BTBD8: variants seen among roughly 807,000 people sequenced by gnomAD.
The protein encoded by BTBD8 is BTB/POZ domain-containing protein 8.
In BTBD8, 110 loss-of-function variants were observed where a neutral mutation model predicts 162.9. That is an observed-to-expected ratio of 0.68 (90% confidence interval 0.58 to 0.79). BTBD8 has a LOEUF of 0.79. BTBD8 is among the 30% of genes least tolerant of loss of function. BTBD8 has a pLI of 0.00. For synonymous variants in BTBD8, 667 were observed against 716.1 expected, an observed-to-expected ratio of 0.93 and a Z score of 1.10; for missense variants, 1,905 against 2,085.4, an observed-to-expected ratio of 0.91 and a Z score of 1.68.
At position 92,139,445 on chromosome 1, in the gene BTBD8, T is replaced by A; in HGVS notation, c.833+15T>A. The A allele has an allele frequency of 6.3e-7, 1 of 1,595,130 alleles. No individual in the cohort carries two copies. Among genetic ancestry groups the A allele is most frequent in the Non-Finnish European group, 8.5e-7 (1 of 1,175,016 alleles). ...ACTAATGTTGGGTATGTATTCCTTT[T>A]TAATAATTTAAAATATAAAAGAGTT... On this transcript the variant is annotated intron_variant, in intron 6 of 17. Coordinates refer to ENST00000636805, the MANE Select transcript of BTBD8 (RefSeq NM_001376131.1).
intron 4 of BTBD8, chr1:92,126,448 T>G: frequency 1.1e-6 from 1 of 913,882 alleles, no homozygotes; most frequent in Middle Eastern, 2.5e-4. Flanking sequence ...AGTACAACAG[T>G]TTTGTGTCAC....
At chr1:92,162,359 C>G (rs181077115) in intron 9 of BTBD8, among the ~76,000 whole-genome samples, 1 of 152,194 alleles carries the variant, frequency 6.6e-6, no homozygotes, top group East Asian at 1.9e-4. Flanking sequence ...TGAGGGCAAG[C>G]CTTGACCAAT....
chr1:92,156,947 T>C (rs1650171779), intron 9 of BTBD8, among the ~76,000 whole-genome samples: 1 of 150,568 alleles, frequency 6.6e-6, no homozygotes, highest in South Asian at 2.1e-4. Flanking sequence ...TAATATTTAT[T>C]TTTTTTTTTC....
intron 4 of BTBD8, 101 bp downstream of exon 4, chr1:92,108,102 C>A: frequency 1.8e-6 from 2 of 1,087,194 alleles, no homozygotes; most frequent in Non-Finnish European, 2.8e-6. Flanking sequence ...CTGGTTTTCA[C>A]ACAGGCCACA....
chr1:92,129,763 G>C lies in BTBD8; in HGVS notation c.739G>C (p.Val247Leu). 1 of 1,613,158 alleles carries C rather than the reference G, an allele frequency of 6.2e-7. No homozygotes were observed. The highest frequency in any genetic ancestry group is 8.5e-7 in the Non-Finnish European group (1 of 1,179,238). ...GCWAESSQEY[V>L]TLQGISHVEL... is the part of the protein sequence containing the mutation. ...TTGGGCTGAAAGCTCCCAAGAGTAC[G>C]TTACTCTTCAAGGGTAAGCATATTT... is the stretch of plus-strand genomic sequence containing the variant. Residue 247 changes from valine to leucine, a missense_variant, in exon 5 of 18, where the codon GTT becomes CTT. Val to Leu is a conservative substitution (Grantham distance 32). Around this residue, in one of 3 missense-constraint regions of BTBD8, gnomAD observed 1,374 missense variants for 1,442.7 expected, o/e 0.95. Coordinates refer to ENST00000636805, the MANE Select transcript of BTBD8 (RefSeq NM_001376131.1).
chr1:92,128,572 C>T (rs959829336), intron 4 of BTBD8, among the ~76,000 whole-genome samples: 40 of 151,806 alleles, frequency 2.6e-4, no homozygotes, highest in Admixed American at 6.6e-5. Flanking sequence ...GCCACCGCGC[C>T]CGGCCATTTT....
chr1:92,110,085 C>G (rs982709097), intron 4 of BTBD8, among the ~76,000 whole-genome samples: 1 of 152,176 alleles, frequency 6.6e-6, no homozygotes, highest in Non-Finnish European at 1.5e-5. Flanking sequence ...CCTCATAACA[C>G]AGGTCTTCCA....
intron 2 of BTBD8, among the ~76,000 whole-genome samples, chr1:92,098,862 A>G (rs941250545): frequency 4.6e-5 from 7 of 152,120 alleles, no homozygotes; most frequent in African/African-American, 1.2e-4. Context: ...GTTTTCTCTC[A>G]TTCTCTGGGT....
At chr1:92,116,737 A>T (rs1380109595) in intron 4 of BTBD8, among the ~76,000 whole-genome samples, 1 of 152,054 alleles carries the variant, frequency 6.6e-6, no homozygotes, top group Non-Finnish European at 1.5e-5. Context: ...TTTAGATAGC[A>T]AATAGTTATG....
At chr1:92,164,143 A>G (rs1449766093) in intron 9 of BTBD8, among the ~76,000 whole-genome samples, 5 of 152,232 alleles carry the variant, frequency 3.3e-5, no homozygotes, top group Non-Finnish European at 7.3e-5. Flanking sequence ...ATAGCAAAGT[A>G]TGACTTTTTA....
Position 92,181,830 on chromosome 1 carries a change from G to T in BTBD8, c.4147G>T (p.Asp1383Tyr). 1 of 1,551,114 alleles carries T rather than the reference G, an allele frequency of 6.4e-7. No homozygotes were observed. Among genetic ancestry groups the T allele is most frequent in the South Asian group, 1.2e-5 (1 of 83,984 alleles). Residue 1383 changes from aspartate (D) to tyrosine (Y), a missense_variant, in exon 17 of 18, where the codon GAT (aspartate) becomes TAT (tyrosine). Coordinates refer to ENST00000636805, the MANE Select transcript of BTBD8 (RefSeq NM_001376131.1). ...AATAGATCAGGTATCTTCTTCAGCA[G>T]ATGAAACAGAAGATGAAAGATCTGA... ...QEIDQVSSSA[D>Y]ETEDERSEAE... is the part of the protein sequence containing the mutation.
intron 4 of BTBD8, among the ~76,000 whole-genome samples, chr1:92,110,674 C>T (rs1648864209): frequency 6.6e-6 from 1 of 152,110 alleles, no homozygotes; most frequent in African/African-American, 2.4e-5. Context: ...TCCCAAGTAC[C>T]TGGGACTACA....
chr1:92,178,390 T>C lies in BTBD8; in HGVS notation c.2520T>C (p.Asn840=). Residue 840 remains asparagine, a synonymous_variant, in exon 16 of 18, where the codon AAT becomes AAC. Transcript: ENST00000636805. ...QAILKKRGTS[N]GCTAAQQRTK... ...TTTTGAAGAAAAGAGGAACTAGCAA[T>C]GGATGTACTGCAGCTCAGCAGAGGA... 1 of 1,551,512 alleles carries C rather than the reference T, an allele frequency of 6.4e-7. No individual in the cohort carries two copies. The highest frequency in any genetic ancestry group is 1.2e-5 in the South Asian group (1 of 84,052).
chr1:92,115,145 G>T, intron 4 of BTBD8: 3 of 512,584 alleles, frequency 5.9e-6, no homozygotes, highest in South Asian at 3.1e-5. Context: ...ACTTGGGGAT[G>T]ACCTTGCCCA....
intron 2 of BTBD8, among the ~76,000 whole-genome samples, chr1:92,095,094 T>C (rs1348952678): frequency 6.6e-6 from 1 of 152,178 alleles, no homozygotes; most frequent in Non-Finnish European, 1.5e-5. Flanking sequence ...AGTAAATGAC[T>C]TGCCTGTGAA....
chr1:92,132,109 A>G (rs1185006417), intron 5 of BTBD8, among the ~76,000 whole-genome samples: 1 of 152,230 alleles, frequency 6.6e-6, no homozygotes, highest in African/African-American at 2.4e-5. Context: ...GAGCTAGCTC[A>G]GACTGCTCTT....
In BTBD8 at chr1:92,177,531, A is replaced by G. The variant is rs910084725; in HGVS notation, c.2338A>G (p.Lys780Glu). ...GATGAAAAACAGTGTAGATAGTGTC[A>G]AAAATTCCACTGTAGGTGGGTTTTA... ...QMMKNSVDSV[K>E]NSTVAIKSRP... The change falls in exon 14 of 18, where the codon AAA (lysine) becomes GAA (glutamate). Residue 780 changes from lysine to glutamate, a missense_variant. Lys to Glu is a moderately conservative substitution (Grantham distance 56). Around this residue, in one of 3 missense-constraint regions of BTBD8, gnomAD observed 1,374 missense variants for 1,442.7 expected, o/e 0.95. Transcript: ENST00000636805. 57 of 1,535,226 alleles carry G rather than the reference A, an allele frequency of 3.7e-5. No individual in the cohort carries two copies. Among genetic ancestry groups the G allele is most frequent in the Non-Finnish European group, 4.1e-5 (47 of 1,139,980 alleles).
chr1:92,182,448 C>T lies in BTBD8; in HGVS notation c.4765C>T (p.His1589Tyr). 1 of 1,551,564 alleles carries T rather than the reference C, an allele frequency of 6.4e-7. No homozygotes were observed. Among genetic ancestry groups the T allele is most frequent in the South Asian group, 1.2e-5 (1 of 83,954 alleles). ...SQERPCHLDL[H>Y]QREPNSDIPK... ...AGAAAGACCATGTCACTTGGATCTTCATCAAAGAGAACCCAATTCTGACAT... is the reference window on the plus strand; with the variant it reads ...AGAAAGACCATGTCACTTGGATCTTTATCAAAGAGAACCCAATTCTGACAT... The change falls in exon 17 of 18, where the codon CAT (histidine) becomes TAT (tyrosine). Residue 1589 changes from histidine (H) to tyrosine (Y), a missense_variant. Coordinates refer to ENST00000636805, the MANE Select transcript of BTBD8 (RefSeq NM_001376131.1).
chr1:92,092,481 G>A (rs1466723991), intron 2 of BTBD8, among the ~76,000 whole-genome samples: 2 of 151,948 alleles, frequency 1.3e-5, no homozygotes, highest in Admixed American at 6.6e-5. Context: ...ACAGTGAGGC[G>A]ATGGTGTCTG....
Sources: gnomAD v4.1 joint callset for allele counts (sites outside exome capture counted in the v4.1 genomes callset) on GRCh38, gnomAD v4.1.1 for gene constraint, gnomAD v4.1.1 regional missense constraint, MANE v1.5 for transcripts, NCBI Gene and HGNC (gene_info 2026-07-23, HGNC 2026-07-21) for gene names.